The following SMIM36 variants were observed in gnomAD, a reference collection of about 807,000 sequenced individuals.
The protein encoded by SMIM36 is small integral membrane protein 36.
intron 4 of SMIM36, among the ~76,000 whole-genome samples, chr17:55,466,277 CAAAAAAAAAAA>C (rs796506078): frequency 4.3e-5 from 2 of 46,882 alleles, no homozygotes; most frequent in African/African-American, 1.5e-4. Context: ...GACTCCGTCT[CAAAAAAAAAAA>C]AAAAAAAAAA....
the SMIM36 span, among the ~76,000 whole-genome samples, chr17:55,519,037 A>T: frequency 1.3e-4 from 19 of 150,582 alleles, no homozygotes; most frequent in Admixed American, 2.0e-4. Context: ...TAAGATCATT[A>T]GCAGAATTTG....
upstream of SMIM36, among the ~76,000 whole-genome samples, chr17:55,513,336 C>T (rs7218226): frequency 0.37 from 56,763 of 152,090 alleles, 12,634 homozygotes; most frequent in Non-Finnish European, 0.49. Context: ...TTCCAGGGGG[C>T]ATTCAACACA....
upstream of SMIM36, among the ~76,000 whole-genome samples, chr17:55,513,845 A>G (rs184746612): frequency 2.6e-3 from 395 of 152,326 alleles, 2 homozygotes; most frequent in African/African-American, 8.9e-3. Flanking sequence ...TTCTCTGTGT[A>G]ATGGTGATAA....
At chr17:55,467,303 C>A (rs1288845594) in exon 4 of SMIM36, 1 of 152,122 alleles carries the variant, frequency 6.6e-6, no homozygotes, top group Non-Finnish European at 1.5e-5. Flanking sequence ...AGTCTAATTT[C>A]TATTGGGGCC....
intron 3 of SMIM36, among the ~76,000 whole-genome samples, chr17:55,473,705 C>T (rs1380604676): frequency 2.6e-5 from 4 of 152,112 alleles, no homozygotes; most frequent in African/African-American, 9.7e-5. Flanking sequence ...AAAATTAGAG[C>T]CTGTCCTCAA....
chr17:55,485,530 C>G (rs535463089), intron 1 of SMIM36, among the ~76,000 whole-genome samples: 1 of 151,112 alleles, frequency 6.6e-6, no homozygotes, highest in African/African-American at 2.4e-5. Flanking sequence ...TTTAATTGTT[C>G]CCCCCACCTC....
At chr17:55,472,072 G>C (rs1221484895) in intron 3 of SMIM36, among the ~76,000 whole-genome samples, 1 of 152,160 alleles carries the variant, frequency 6.6e-6, no homozygotes, top group Non-Finnish European at 1.5e-5. Flanking sequence ...TTTCAACCCA[G>C]CTTCTCACTT....
chr17:55,457,027 T>C (rs974636400), intron 4 of SMIM36, among the ~76,000 whole-genome samples: 1 of 152,246 alleles, frequency 6.6e-6, no homozygotes. Context: ...TAAGCAGTTA[T>C]AATGTAATGT....
intron 4 of SMIM36, among the ~76,000 whole-genome samples, chr17:55,460,433 C>CAA (rs1222808959): frequency 0.016 from 1,205 of 77,628 alleles, 21 homozygotes; most frequent in African/African-American, 0.041. Flanking sequence ...TGTCTGGAAA[C>CAA]AAAAAACAAA....
At chr17:55,464,215 A>T (rs1165217846) in intron 4 of SMIM36, among the ~76,000 whole-genome samples, 2 of 152,192 alleles carry the variant, frequency 1.3e-5, no homozygotes, top group Non-Finnish European at 1.5e-5. Context: ...GAAACTGGAG[A>T]AGGATCTTAA....
chr17:55,494,780 TG>T (rs1315798259), intron 1 of SMIM36, among the ~76,000 whole-genome samples: 8 of 152,090 alleles, frequency 5.3e-5, no homozygotes, highest in Admixed American at 1.3e-4. Flanking sequence ...TGTATACTTT[TG>T]TATATTTTGT....
intron 1 of SMIM36, among the ~76,000 whole-genome samples, chr17:55,491,681 C>A (rs775100172): frequency 1.1e-4 from 16 of 152,182 alleles, no homozygotes; most frequent in Non-Finnish European, 1.8e-4. Flanking sequence ...CCCTCTTTCT[C>A]CCCTCCTGGC....
At chr17:55,457,546 G>A (rs964085817) in intron 4 of SMIM36, among the ~76,000 whole-genome samples, 7 of 150,108 alleles carry the variant, frequency 4.7e-5, no homozygotes, top group African/African-American at 1.7e-4. Flanking sequence ...TTGTTTTTGA[G>A]ACGGAATTTT....
At chr17:55,485,157 G>A (rs765680770) in intron 1 of SMIM36, among the ~76,000 whole-genome samples, 6 of 152,106 alleles carry the variant, frequency 3.9e-5, no homozygotes, top group Non-Finnish European at 8.8e-5. Context: ...GGATAGATTA[G>A]GCTAATATGG....
chr17:55,522,370 A>G, the SMIM36 span, among the ~76,000 whole-genome samples: 18,215 of 152,276 alleles, frequency 0.12, 1,431 homozygotes, highest in East Asian at 0.33. Context: ...GTGTTCTCAC[A>G]TCGCTAATAA....
the SMIM36 span, among the ~76,000 whole-genome samples, chr17:55,531,954 G>A: frequency 6.6e-6 from 1 of 152,182 alleles, no homozygotes; most frequent in East Asian, 1.9e-4. Flanking sequence ...GAATACATAT[G>A]TCACCCAAGT....
chr17:55,481,597 T>C (rs1246723464), intron 1 of SMIM36, among the ~76,000 whole-genome samples: 1 of 152,220 alleles, frequency 6.6e-6, no homozygotes, highest in African/African-American at 2.4e-5. Flanking sequence ...CGGGTATAAG[T>C]GTTCTAGCTA....
intron 4 of SMIM36, among the ~76,000 whole-genome samples, chr17:55,452,477 A>G (rs1483777322): frequency 6.6e-6 from 1 of 152,220 alleles, no homozygotes; most frequent in Admixed American, 6.5e-5. Flanking sequence ...GACCTCGGCC[A>G]TGGATTTCAA....
intron 4 of SMIM36, among the ~76,000 whole-genome samples, chr17:55,451,768 C>A (rs1262077294): frequency 6.6e-6 from 1 of 152,004 alleles, no homozygotes; most frequent in Non-Finnish European, 1.5e-5. Context: ...TCCTCCTGAA[C>A]AATGCATATC....
Sources: gnomAD v4.1 joint callset for allele counts (sites outside exome capture counted in the v4.1 genomes callset) on GRCh38, gnomAD v4.1.1 for gene constraint, MANE v1.5 for transcripts, NCBI Gene and HGNC (gene_info 2026-07-23, HGNC 2026-07-21) for gene names.